AP3B1: variants seen among roughly 807,000 people sequenced by gnomAD.
The protein encoded by AP3B1 is adaptor related protein complex 3 subunit beta 1, also known as AP-3 complex subunit beta-1.
AP3B1 carries 61 observed loss-of-function variants against 132.5 expected under a neutral mutation model. That is an observed-to-expected ratio of 0.46 (90% CI 0.37 to 0.57). AP3B1 has a LOEUF of 0.57. Among genes scored for constraint, AP3B1 ranks in the 20% least tolerant of loss-of-function variants. AP3B1 has a pLI of 0.00. For synonymous variants in AP3B1, 388 were observed against 438.3 expected (o/e 0.89, Z 1.43); for missense variants, 1,120 against 1,289.4 (o/e 0.87, Z 2.01).
intron 26 of AP3B1, among the ~76,000 whole-genome samples, chr5:78,009,923 C>T (rs1036124254): frequency 6.6e-6 from 1 of 152,128 alleles, no homozygotes; most frequent in African/African-American, 2.4e-5. Context: ...CAAATATCAC[C>T]TTTTCTCCTC....
At chr5:78,195,028 G>A (rs1183300689) in intron 7 of AP3B1, among the ~76,000 whole-genome samples, 1 of 146,142 alleles carries the variant, frequency 6.8e-6, no homozygotes, top group East Asian at 2.0e-4. Context: ...ACTTTTTTTA[G>A]TTTCTTTAAA....
At chr5:78,021,512 A>T (rs889029586) in intron 24 of AP3B1, among the ~76,000 whole-genome samples, 5 of 152,176 alleles carry the variant, frequency 3.3e-5, no homozygotes, top group Admixed American at 3.3e-4. Flanking sequence ...TTGTCTAAAA[A>T]ATTTTTTAAA....
intron 14 of AP3B1, among the ~76,000 whole-genome samples, chr5:78,148,304 C>G (rs73134772): frequency 2.0e-4 from 31 of 152,086 alleles, no homozygotes; most frequent in Admixed American, 3.3e-4. Flanking sequence ...AAATTTTGCA[C>G]AAGAAGTCTG....
intron 15 of AP3B1, among the ~76,000 whole-genome samples, chr5:78,138,992 ACTTCAG>A: frequency 2.2e-5 from 3 of 136,836 alleles, no homozygotes; most frequent in East Asian, 2.1e-4. Flanking sequence ...AAAAAAAAAC[ACTTCAG>A]AAACTGAGCT....
At position 78,113,770 on chromosome 5, in the gene AP3B1, G is replaced by A; in HGVS notation, c.2231C>T (p.Ser744Leu). Residue 744 changes from serine (S) to leucine (L), a missense_variant, in exon 19 of 27, where the codon TCA becomes TTA. Ser to Leu is a moderately radical substitution (Grantham distance 145). Coordinates refer to ENST00000255194, the MANE Select transcript of AP3B1 (RefSeq NM_003664.5). ...AAGTTACCTTTTTCCTTTGGCTTTT[G>A]AGTTCCTCTTGGCTGTTCTTTTGTT... Reference protein sequence around the residue: ...LENKRTAKRNSKAKGKSDSED... With the variant: ...LENKRTAKRNLKAKGKSDSED... 1 of 1,613,934 alleles carries A rather than the reference G, an allele frequency of 6.2e-7. No homozygotes were observed. The highest frequency in any genetic ancestry group is 8.5e-7 in the Non-Finnish European group (1 of 1,180,008).
At chr5:78,061,333 A>G (rs1749046577) in intron 22 of AP3B1, among the ~76,000 whole-genome samples, 1 of 152,222 alleles carries the variant, frequency 6.6e-6, no homozygotes, top group Admixed American at 6.5e-5. Context: ...CTATTCCCTG[A>G]GCATTTAAAA....
rs1678091080 is a variant in AP3B1 at position 78,156,336 on chromosome 5, T to C, written c.1395A>G (p.Ile465Met). Residue 465 changes from isoleucine to methionine, a missense_variant, in exon 14 of 27, where the codon ATA (isoleucine) becomes ATG (methionine). Physicochemically the swap from Ile to Met is conservative, Grantham distance 10 (BLOSUM62 1). This residue lies in a region of AP3B1 where 906 missense variants were observed against 997.1 expected (regional missense o/e 0.91). Transcript: ENST00000255194. ...EIVVAESVVV[I>M]KKLLQMQPAQ... ...CAGGTTGCATTTGCAGTAATTTCTT[T>C]ATAACAACCACACTTTCAGCAACAA... The C allele has an allele frequency of 1.2e-6, 2 of 1,613,516 alleles. No individual in the cohort carries two copies.
intron 7 of AP3B1, among the ~76,000 whole-genome samples, chr5:78,203,585 C>T (rs1342103097): frequency 2.0e-5 from 3 of 152,180 alleles, no homozygotes; most frequent in Non-Finnish European, 4.4e-5. Flanking sequence ...ATTTCTCCTA[C>T]TTAGATTCTG....
chr5:78,042,277 C>T (rs1748124126), intron 22 of AP3B1: 1 of 150,898 alleles, frequency 6.6e-6, no homozygotes, highest in African/African-American at 2.4e-5. Flanking sequence ...GGGTTTCACT[C>T]TGTCATCCAG....
rs1203562451 is a variant in AP3B1, at chr5:78,141,072, G to C, written c.1650+71C>G. The C allele has an allele frequency of 5.6e-6, 8 of 1,417,262 alleles. No homozygotes were observed. The Admixed American group carries it at 6.7e-5, about 12-fold the overall frequency. The allele number at this position is 1,417,262 out of a possible 1,614,324, so 87.8% of individuals were successfully genotyped here. A position where few individuals can be genotyped will look rare whatever the true frequency, so the allele number is the denominator to read the frequency against. ...GAATGGTCAGACTAATGAAGGCACA[G>C]ACCCCCGCTGTTTGATCAGAGTGAA... is the stretch of plus-strand genomic sequence containing the variant. On this transcript the variant is annotated intron_variant, in intron 15 of 26. Transcript: ENST00000255194.
chr5:78,045,898 T>C (rs1466672128), intron 22 of AP3B1, among the ~76,000 whole-genome samples: 1 of 152,222 alleles, frequency 6.6e-6, no homozygotes, highest in Non-Finnish European at 1.5e-5. Flanking sequence ...ACAAGCCAAA[T>C]ATGGCCTGCT....
chr5:78,170,362 C>T (rs1743859276), intron 11 of AP3B1, among the ~76,000 whole-genome samples: 1 of 152,208 alleles, frequency 6.6e-6, no homozygotes, highest in Non-Finnish European at 1.5e-5. Flanking sequence ...AACTAGTTTA[C>T]AGTCCCACCA....
intron 1 of AP3B1, among the ~76,000 whole-genome samples, chr5:78,285,141 C>T (rs889030566): frequency 1.1e-4 from 15 of 141,218 alleles, no homozygotes; most frequent in Non-Finnish European, 2.0e-4. Context: ...CCCAGCTACT[C>T]GGGAGGCTGA....
chr5:78,267,552 C>T lies in AP3B1; in HGVS notation c.172G>A (p.Ala58Thr). 3 of 1,611,444 alleles carry T rather than the reference C, an allele frequency of 1.9e-6. No homozygotes were observed. Among genetic ancestry groups the T allele is most frequent in the Middle Eastern group, 1.7e-4 (1 of 6,050 alleles). Residue 58 changes from alanine (A) to threonine (T), a missense_variant, in exon 2 of 27, where the codon GCT becomes ACT. Coordinates refer to ENST00000255194, the MANE Select transcript of AP3B1 (RefSeq NM_003664.5). ...ATCCGCTTCATAGCATCCAGTTTAG[C>T]AGAATCTTTGTTGCTCTCTAACATT... Reference protein sequence around the residue: ...KQMLESNKDSAKLDAMKRIVG... With the variant: ...KQMLESNKDSTKLDAMKRIVG...
At chr5:78,046,009 G>C (rs188228363) in intron 22 of AP3B1, among the ~76,000 whole-genome samples, 59 of 152,296 alleles carry the variant, frequency 3.9e-4, no homozygotes, top group African/African-American at 1.4e-3. Context: ...GTGAGTAGTT[G>C]TAATACCTAA....
At chr5:78,255,131 ATAT>A (rs1443758350) in intron 2 of AP3B1, among the ~76,000 whole-genome samples, 1 of 152,068 alleles carries the variant, frequency 6.6e-6, no homozygotes, top group African/African-American at 2.4e-5. Flanking sequence ...AAACTAAATC[ATAT>A]TACCAGAGAA....
At chr5:78,229,818 T>C (rs541414372) in intron 3 of AP3B1, among the ~76,000 whole-genome samples, 21 of 152,188 alleles carry the variant, frequency 1.4e-4, no homozygotes, top group African/African-American at 4.6e-4. Context: ...AAGTTGGAGA[T>C]AGCTGGAATT....
chr5:78,130,987 G>A (rs1332304775), intron 15 of AP3B1, among the ~76,000 whole-genome samples: 1 of 151,652 alleles, frequency 6.6e-6, no homozygotes, highest in East Asian at 1.9e-4. Flanking sequence ...GGCATTTAAA[G>A]TAATTAAAAT....
chr5:78,047,287 A>G (rs1561373124), intron 22 of AP3B1, among the ~76,000 whole-genome samples: 1 of 152,234 alleles, frequency 6.6e-6, no homozygotes. Flanking sequence ...ACTGTCTTCC[A>G]CAATGGTTGA....
Sources: allele counts gnomAD v4.1 joint callset (sites outside exome capture counted in the v4.1 genomes callset), GRCh38; gene constraint gnomAD v4.1.1; regional missense constraint gnomAD v4.1.1; transcripts MANE v1.5; gene names NCBI Gene and HGNC (gene_info 2026-07-23, HGNC 2026-07-21).